Variants in C20orf96 observed in about 807,000 individuals in gnomAD.
C20orf96 encodes the protein uncharacterized protein C20orf96.
A neutral mutation model predicts 52.6 loss-of-function variants in C20orf96; 57 were observed. The observed-to-expected ratio is 1.08, with a 90% CI of 0.88 to 1.35. The LOEUF (loss-of-function observed/expected upper bound fraction) is 1.35, where lower values mean the gene tolerates loss of function less well. Among genes scored for constraint, C20orf96 ranks in the 40% most tolerant of loss-of-function variants. The pLI, the probability that C20orf96 is intolerant of heterozygous loss-of-function variation, is 0.00. For missense variants in C20orf96, 478 were observed against 443.6 expected (o/e 1.08, Z -0.70); for synonymous variants, 168 against 157.2 (o/e 1.07, Z -0.51).
In C20orf96 at chr20:279,070, GGGAGGGAGGGAC is replaced by G. The variant is rs1351041372; in HGVS notation, c.465+90_465+101del. 2,194 of 585,986 alleles carry G rather than the reference GGGAGGGAGGGAC, an allele frequency of 3.7e-3. 82 individuals carry two copies. The highest frequency in any genetic ancestry group is 4.9e-3 in the Non-Finnish European group (2,083 of 425,254). The allele number at this position is 585,986 out of a possible 1,614,324, so 36.3% of individuals were successfully genotyped here. On this transcript the variant is annotated intron_variant, in intron 5 of 10. Transcript: ENST00000360321. ...CGGGAGGGCGGGACGGAGGGAGGGA[GGGAGGGAGGGAC>G]GGAGGGCGGGACGGAGGGACGGAGG... is the stretch of plus-strand genomic sequence containing the variant.
At chr20:277,964 G>C (rs139519618) in intron 6 of C20orf96, among the ~76,000 whole-genome samples, 9 of 152,328 alleles carry the variant, frequency 5.9e-5, no homozygotes, top group Non-Finnish European at 7.4e-5. Flanking sequence ...GCAGGAAACA[G>C]AGCCAGGCTA....
intron 3 of C20orf96, 135 bp downstream of exon 3, chr20:289,424 T>C: frequency 1.5e-6 from 1 of 672,284 alleles, no homozygotes; most frequent in Non-Finnish European, 2.7e-6. Flanking sequence ...AACTTCTATA[T>C]CAATACTTGC....
chr20:288,365 T>C (rs6082267), intron 3 of C20orf96, among the ~76,000 whole-genome samples: 56,319 of 151,722 alleles, frequency 0.37, 10,764 homozygotes, highest in East Asian at 0.51. Flanking sequence ...TGATCCTTCA[T>C]TCCCTGCTTG....
rs1461224351 is a variant in C20orf96, at chr20:277,286, G to A, written c.663C>T (p.Ile221=). The change falls in exon 7 of 11, where the codon ATC becomes ATT. Residue 221 remains isoleucine (I), a synonymous_variant. Coordinates refer to ENST00000360321, the MANE Select transcript of C20orf96 (RefSeq NM_153269.3). ...LSTYMDHEYS[I]KSVQISTLMR... is the part of the protein sequence containing the mutation. ...TAAGAGTGGAGATCTGGACAGACTT[G>A]ATGGAATACTCATGGTCCATGTAAG... The A allele has an allele frequency of 1.4e-5, 23 of 1,613,872 alleles. No individual in the cohort carries two copies. Among genetic ancestry groups the A allele is most frequent in the East Asian group, 2.2e-5 (1 of 44,882 alleles).
intron 3 of C20orf96, among the ~76,000 whole-genome samples, chr20:287,727 G>A (rs112834711): frequency 0.019 from 2,931 of 151,890 alleles, 80 homozygotes; most frequent in African/African-American, 0.066. Flanking sequence ...TCACAAGTTC[G>A]AGACCAGCCT....
At chr20:279,867 G>C (rs1362216282) in intron 4 of C20orf96, among the ~76,000 whole-genome samples, 1 of 152,092 alleles carries the variant, frequency 6.6e-6, no homozygotes, top group African/African-American at 2.4e-5. Context: ...CTACTGGGGA[G>C]GCTGAGGCAG....
chr20:283,995 C>T lies in C20orf96; in HGVS notation c.274G>A (p.Gly92Arg), dbSNP rs761198522. Reference sequence around the variant, plus strand: ...AACCAGATTTTGGCATGCATCTTCCCAGGGTCCAACTTCCGCCTTCTATGT... The same window carrying T: ...AACCAGATTTTGGCATGCATCTTCCTAGGGTCCAACTTCCGCCTTCTATGT... ...ELHRRRKLDP[G>R]KMHAKIWLMK... The change falls in exon 4 of 11, where the codon GGG (glycine) becomes AGG (arginine). Residue 92 changes from glycine (G) to arginine (R), a missense_variant. Gly to Arg is a moderately radical substitution (Grantham distance 125). Transcript: ENST00000360321. The T allele has an allele frequency of 6.2e-7, 1 of 1,614,148 alleles. No individual in the cohort carries two copies. Among genetic ancestry groups the T allele is most frequent in the East Asian group, 2.2e-5 (1 of 44,874 alleles).
intron 3 of C20orf96, among the ~76,000 whole-genome samples, chr20:284,917 C>T (rs935483278): frequency 2.0e-5 from 3 of 152,296 alleles, no homozygotes; most frequent in East Asian, 1.9e-4. Flanking sequence ...CTACTAGCTG[C>T]GTGACCTTGA....
In C20orf96 at chr20:290,584, T is replaced by TTTTTTTA. The variant is rs3835237; in HGVS notation, c.20+6_20+7insTAAAAAA. ...TCCAATTTTTTTTTTTTTTTTTTTT[T>TTTTTTTA]ACCTACTTTTGTAAGACATGCGCCA... On this transcript the variant is annotated splice_region_variant and intron_variant, in intron 1 of 10. Coordinates refer to ENST00000360321, the MANE Select transcript of C20orf96 (RefSeq NM_153269.3). 4.5e-4 allele frequency: 696 copies of TTTTTTTA among 1,553,294 alleles called. 13 individuals are homozygous for TTTTTTTA. In the African/African-American group the frequency reaches 4.9e-3, roughly 11 times the overall value.
intron 3 of C20orf96, among the ~76,000 whole-genome samples, chr20:286,799 C>T (rs988596758): frequency 1.3e-5 from 2 of 152,074 alleles, no homozygotes; most frequent in Non-Finnish European, 2.9e-5. Context: ...CACCCACTTC[C>T]CTCCCCTTAC....
intron 4 of C20orf96, 124 bp from the exon 5 acceptor site, chr20:279,454 AAACGCGGCCCAAGCTGGGCGGTTCCCCAT>A (rs2012191129): frequency 9.0e-7 from 1 of 1,111,316 alleles, no homozygotes; most frequent in African/African-American, 1.7e-5. Flanking sequence ...TCCTGCTGGT[AAACGCGGCCCAAGCTGGGCGGTTCCCCAT>A]TGTCTGCGCC....
rs193269582 is a variant in C20orf96 at position 282,853 on chromosome 20, C to T, written c.306+1110G>A. On this transcript the variant is annotated intron_variant, in intron 4 of 10. Transcript: ENST00000360321. ...TGCCACTGCACTCCAGCCTGGGTGA[C>T]GGAGTGAAACTCTGTCTCAAAAAAA... is the stretch of plus-strand genomic sequence containing the variant. Among the ~76,000 whole-genome samples the T allele has an allele frequency of 1.8e-4, 27 of 152,048 alleles. No homozygotes were observed. The East Asian group carries it at 3.1e-3, about 17-fold the overall frequency.
At chr20:284,634 T>C (rs759743863) in intron 3 of C20orf96, among the ~76,000 whole-genome samples, 2 of 152,252 alleles carry the variant, frequency 1.3e-5, no homozygotes, top group African/African-American at 2.4e-5. Context: ...GGCGGGCGGA[T>C]CACCTGTGGT....
chr20:285,654 T>A (rs1367883363), intron 3 of C20orf96, among the ~76,000 whole-genome samples: 1 of 152,232 alleles, frequency 6.6e-6, no homozygotes, highest in Non-Finnish European at 1.5e-5. Context: ...AGATCTCGGC[T>A]CACTGCTACT....
chr20:276,735 T>G, intron 9 of C20orf96, 58 bp downstream of exon 9: 1 of 1,584,046 alleles, frequency 6.3e-7, no homozygotes, highest in Non-Finnish European at 8.6e-7. Context: ...CCACAGGCCG[T>G]GGGGACTGCC....
intron 10 of C20orf96, among the ~76,000 whole-genome samples, chr20:271,653 T>C (rs2011845049): frequency 6.6e-6 from 1 of 152,178 alleles, no homozygotes; most frequent in Admixed American, 6.5e-5. Flanking sequence ...CTGTGTCACC[T>C]TGAGCAAGCT....
At chr20:280,853 C>T (rs1346121541) in intron 4 of C20orf96, among the ~76,000 whole-genome samples, 2 of 152,048 alleles carry the variant, frequency 1.3e-5, no homozygotes, top group South Asian at 2.1e-4. Flanking sequence ...AGAGAACTGC[C>T]GTAAAATATA....
Position 275,326 on chromosome 20 carries a change from G to A in C20orf96, c.1031+642C>T, listed in dbSNP as rs76297013. ...AATAGTATTTTGTTTTGGGGGCGGG[G>A]GGCGGTTTAGAAATAGAAGAAAAGG... is the stretch of plus-strand genomic sequence containing the variant. On this transcript the variant is annotated intron_variant, in intron 10 of 10. Coordinates refer to ENST00000360321, the MANE Select transcript of C20orf96 (RefSeq NM_153269.3). 9.9e-4 allele frequency among the ~76,000 whole-genome samples: 150 copies of A among 152,244 alleles called. No homozygotes were observed. The East Asian group carries it at 0.022, about 23-fold the overall frequency.
At chr20:284,219 G>A in intron 3 of C20orf96, 138 bp from the exon 4 acceptor site, 1 of 643,504 alleles carries the variant, frequency 1.6e-6, no homozygotes, top group Non-Finnish European at 2.8e-6. Context: ...TGTGACACTA[G>A]ACCGAGGGTG....
Sources: allele counts gnomAD v4.1 joint callset (sites outside exome capture counted in the v4.1 genomes callset), GRCh38; gene constraint gnomAD v4.1.1; transcripts MANE v1.5; gene names NCBI Gene and HGNC (gene_info 2026-07-23, HGNC 2026-07-21).